The following SORCS3 variants were observed in gnomAD, a reference collection of about 807,000 sequenced individuals.
SORCS3 encodes the protein VPS10 domain-containing receptor SorCS3.
A neutral mutation model predicts 146.3 loss-of-function variants in SORCS3; 57 were observed. The ratio of observed to expected loss-of-function variants is 0.39; its 90% confidence interval spans 0.31 to 0.49. The LOEUF is 0.49. SORCS3 is among the 20% of genes least tolerant of loss of function. The probability of loss-of-function intolerance (pLI) is 0.92; values close to 1 mark genes in which losing one functional copy is unlikely to be tolerated. For missense variants in SORCS3, 1,341 were observed against 1,575.5 expected, an observed-to-expected ratio of 0.85 and a Z score of 2.52; for synonymous variants, 653 against 618.5, an observed-to-expected ratio of 1.06 and a Z score of -0.83.
At chr10:104,840,967 C>G (rs2018133039) in intron 1 of SORCS3, among the ~76,000 whole-genome samples, 1 of 152,124 alleles carries the variant, frequency 6.6e-6, no homozygotes. Flanking sequence ...CTGCACATAG[C>G]CTCCCATGCT....
At chr10:104,789,516 CT>C (rs1026388357) in intron 1 of SORCS3, among the ~76,000 whole-genome samples, 12 of 152,178 alleles carry the variant, frequency 7.9e-5, no homozygotes, top group African/African-American at 2.4e-4. Context: ...TCTCCCTGGG[CT>C]TTTCTTGGAA....
chr10:105,107,205 A>T (rs1240921479), intron 7 of SORCS3, among the ~76,000 whole-genome samples: 1 of 152,028 alleles, frequency 6.6e-6, no homozygotes, highest in African/African-American at 2.4e-5. Flanking sequence ...AATTAAATGA[A>T]CCCACAGCCT....
chr10:104,855,897 G>A (rs1427722681), intron 2 of SORCS3, among the ~76,000 whole-genome samples: 1 of 152,002 alleles, frequency 6.6e-6, no homozygotes, highest in Non-Finnish European at 1.5e-5. Flanking sequence ...CACCATACCT[G>A]GCTGATTTCT....
At chr10:105,044,126 T>C (rs2055354412) in intron 5 of SORCS3, among the ~76,000 whole-genome samples, 1 of 152,122 alleles carries the variant, frequency 6.6e-6, no homozygotes, top group African/African-American at 2.4e-5. Flanking sequence ...CTCAGTACTT[T>C]GAGAGGCTGA....
chr10:105,002,704 G>T (rs545453180), intron 4 of SORCS3, among the ~76,000 whole-genome samples: 1 of 152,334 alleles, frequency 6.6e-6, no homozygotes, highest in South Asian at 2.1e-4. Flanking sequence ...ATTGCAGAAA[G>T]TTCTACTGGA....
chr10:105,017,711 C>G (rs2055176205), intron 4 of SORCS3, among the ~76,000 whole-genome samples: 1 of 152,186 alleles, frequency 6.6e-6, no homozygotes, highest in Non-Finnish European at 1.5e-5. Context: ...GGATCCTTGT[C>G]TGTTATGATC....
chr10:105,202,026 T>A lies in SORCS3; in HGVS notation c.2261+773T>A, dbSNP rs1441919954. Reference sequence around the variant, plus strand: ...CAGGCCATCTGCAAGTCCTTGCAGTTTCTACCCTCAAAACACATTCTAAGT... The same window carrying A: ...CAGGCCATCTGCAAGTCCTTGCAGTATCTACCCTCAAAACACATTCTAAGT... On this transcript the variant is annotated intron_variant, in intron 16 of 26. Coordinates refer to ENST00000369701, the MANE Select transcript of SORCS3 (RefSeq NM_014978.3). 6.6e-5 allele frequency among the ~76,000 whole-genome samples: 10 copies of A among 152,146 alleles called. 1 individual carries two copies. Among genetic ancestry groups the A allele is most frequent in the Admixed American group, 2.6e-4 (4 of 15,252 alleles).
rs1051627450 is a variant in SORCS3, at chr10:105,084,525, C to T, written c.1029-5250C>T. ...AGACTTGGGACTTTAAGACGAGGGA[C>T]CTGATTGCTTACACCCAATGAATGT... On this transcript the variant is annotated intron_variant, in intron 5 of 26. Coordinates refer to ENST00000369701, the MANE Select transcript of SORCS3 (RefSeq NM_014978.3). Among the ~76,000 whole-genome samples the T allele has an allele frequency of 7.2e-5, 11 of 152,228 alleles. No individual in the cohort carries two copies. In the Middle Eastern group the frequency reaches 0.01, roughly 141 times the overall value.
intron 20 of SORCS3, among the ~76,000 whole-genome samples, chr10:105,225,106 C>CT (rs1425421241): frequency 1.3e-5 from 2 of 151,976 alleles, no homozygotes; most frequent in Non-Finnish European, 1.5e-5. Flanking sequence ...CTTATCAGTT[C>CT]TTTTTTTCAT....
At chr10:104,863,538 G>A (rs1227013338) in intron 2 of SORCS3, among the ~76,000 whole-genome samples, 3 of 152,156 alleles carry the variant, frequency 2.0e-5, no homozygotes, top group Non-Finnish European at 4.4e-5. Context: ...TACTGTGCAT[G>A]GCTTCTTGAG....
intron 1 of SORCS3, among the ~76,000 whole-genome samples, chr10:104,811,692 G>C (rs558471686): frequency 6.6e-6 from 1 of 152,194 alleles, no homozygotes; most frequent in Non-Finnish European, 1.5e-5. Context: ...AGGTTCATAC[G>C]CAGGGAGTCA....
At chr10:105,235,251 C>A (rs571837796) in intron 20 of SORCS3, among the ~76,000 whole-genome samples, 107 of 152,126 alleles carry the variant, frequency 7.0e-4, no homozygotes, top group African/African-American at 2.6e-3. Context: ...TGAGAGCAGA[C>A]CTTGTTAAAA....
chr10:104,983,797 G>A (rs917145844), intron 4 of SORCS3, among the ~76,000 whole-genome samples: 4 of 151,806 alleles, frequency 2.6e-5, no homozygotes, highest in South Asian at 2.1e-4. Flanking sequence ...TTGTCTGCCC[G>A]ACCAGGCCAG....
intron 1 of SORCS3, among the ~76,000 whole-genome samples, chr10:104,648,943 G>C (rs1303667054): frequency 6.6e-6 from 1 of 152,066 alleles, no homozygotes; most frequent in East Asian, 1.9e-4. Context: ...CAGGGTTCTT[G>C]GTCAGTAAAA....
chr10:104,777,177 G>A (rs891676766), intron 1 of SORCS3, among the ~76,000 whole-genome samples: 1 of 152,116 alleles, frequency 6.6e-6, no homozygotes, highest in Non-Finnish European at 1.5e-5. Context: ...TAGTGAACCT[G>A]GAACTTGAGG....
chr10:105,143,911 G>C (rs2056112656), intron 8 of SORCS3, among the ~76,000 whole-genome samples: 1 of 152,104 alleles, frequency 6.6e-6, no homozygotes, highest in Non-Finnish European at 1.5e-5. Flanking sequence ...GTTATTATCT[G>C]AACTGTTGCT....
intron 3 of SORCS3, among the ~76,000 whole-genome samples, chr10:104,967,190 A>G (rs1484775345): frequency 1.3e-5 from 2 of 152,298 alleles, no homozygotes; most frequent in East Asian, 3.9e-4. Flanking sequence ...GTGTTTAGCA[A>G]ATTGACAATT....
At chr10:105,167,206 A>G (rs1374882773) in intron 12 of SORCS3, 52 bp from the exon 13 acceptor site, 2 of 1,395,996 alleles carry the variant, frequency 1.4e-6, no homozygotes, top group Non-Finnish European at 2.0e-6. Flanking sequence ...GTTAAGCACT[A>G]TGCAAATGTA....
At chr10:104,981,230 C>T (rs1305952176) in intron 4 of SORCS3, among the ~76,000 whole-genome samples, 1 of 152,150 alleles carries the variant, frequency 6.6e-6, no homozygotes, top group African/African-American at 2.4e-5. Flanking sequence ...CTTCTCTGGC[C>T]TATAGATTCT....
Sources: allele counts gnomAD v4.1 joint callset (sites outside exome capture counted in the v4.1 genomes callset), GRCh38; gene constraint gnomAD v4.1.1; transcripts MANE v1.5; gene names NCBI Gene and HGNC (gene_info 2026-07-23, HGNC 2026-07-21).